Variants in THSD7A observed in about 807,000 individuals in gnomAD.
THSD7A encodes thrombospondin type 1 domain containing 7A.
Under a neutral mutation model 231.3 loss-of-function variants are expected in THSD7A, and 96 were observed. The ratio of observed to expected loss-of-function variants is 0.41; its 90% CI spans 0.35 to 0.49. The LOEUF is 0.49. THSD7A is among the 20% of genes least tolerant of loss of function. The pLI, the probability that THSD7A is intolerant of heterozygous loss-of-function variation, is 0.05. For synonymous variants in THSD7A, 940 were observed against 743.3 expected (o/e 1.26, Z -4.30); for missense variants, 2,290 against 2,070.2 (o/e 1.11, Z -2.06).
chr7:11,540,374 G>A (rs1183791100), intron 6 of THSD7A, among the ~76,000 whole-genome samples: 2 of 152,140 alleles, frequency 1.3e-5, no homozygotes, highest in Non-Finnish European at 2.9e-5. Context: ...CTTTCTTTAC[G>A]ACTGAACAGT....
intron 1 of THSD7A, among the ~76,000 whole-genome samples, chr7:11,746,687 T>A (rs966335049): frequency 6.6e-6 from 1 of 151,844 alleles, no homozygotes; most frequent in African/African-American, 2.4e-5. Context: ...ACACTACTAG[T>A]GATCTTAACC....
At chr7:11,698,952 G>A (rs1056313468) in intron 1 of THSD7A, among the ~76,000 whole-genome samples, 3 of 143,138 alleles carry the variant, frequency 2.1e-5, no homozygotes, top group South Asian at 4.5e-4. Flanking sequence ...TTTGCATGTA[G>A]GTGCCTTGAA....
At chr7:11,652,100 T>C (rs1324989424) in intron 1 of THSD7A, among the ~76,000 whole-genome samples, 2 of 151,990 alleles carry the variant, frequency 1.3e-5, no homozygotes, top group Non-Finnish European at 2.9e-5. Context: ...CCATGGCTGT[T>C]ACGTTTCCTT....
chr7:11,439,429 T>C lies in THSD7A; in HGVS notation c.3064+6632A>G, dbSNP rs192600771. Among the ~76,000 whole-genome samples, 660 of 152,164 alleles carry C rather than the reference T, an allele frequency of 4.3e-3. 5 individuals are homozygous for C. The highest frequency in any genetic ancestry group is 0.015 in the African/African-American group (633 of 41,558). On this transcript the variant is annotated intron_variant, in intron 13 of 27. Coordinates refer to ENST00000423059, the MANE Select transcript of THSD7A (RefSeq NM_015204.3). ...TGTCACATTTTGGTAATTCTTGCAATATTTCAAACTTTTTCATTATTATTA... is the reference window on the plus strand; with the variant it reads ...TGTCACATTTTGGTAATTCTTGCAACATTTCAAACTTTTTCATTATTATTA...
At chr7:11,802,875 AC>A (rs1181245857) in intron 1 of THSD7A, among the ~76,000 whole-genome samples, 1 of 152,168 alleles carries the variant, frequency 6.6e-6, no homozygotes, top group African/African-American at 2.4e-5. Context: ...TTATCAAAAA[AC>A]AATAATGAGA....
At chr7:11,702,285 T>G (rs1442964461) in intron 1 of THSD7A, among the ~76,000 whole-genome samples, 1 of 151,164 alleles carries the variant, frequency 6.6e-6, no homozygotes, top group Non-Finnish European at 1.5e-5. Context: ...GATTGAGTAG[T>G]TGTCTGAAAG....
intron 1 of THSD7A, among the ~76,000 whole-genome samples, chr7:11,815,540 A>G (rs981096259): frequency 1.3e-5 from 2 of 152,156 alleles, no homozygotes; most frequent in African/African-American, 4.8e-5. Context: ...ATAAAATATT[A>G]CATCATTCTT....
At position 11,521,512 on chromosome 7, in the gene THSD7A, CTAAG is replaced by C. The variant is rs1788265457; in HGVS notation, c.1822+19903_1822+19906del. The stretch of plus-strand genomic sequence containing the variant: ...TATTTATTTATTTTTTTATTATACT[CTAAG>C]TTTTAGGGTACATGTGCACATTGTG... On this transcript the variant is annotated intron_variant, in intron 6 of 27. Coordinates refer to ENST00000423059, the MANE Select transcript of THSD7A (RefSeq NM_015204.3). Among the ~76,000 whole-genome samples, 3 of 138,660 alleles carry C rather than the reference CTAAG, an allele frequency of 2.2e-5. 1 individual carries two copies. The South Asian group carries it at 6.7e-4, about 31-fold the overall frequency. The allele number at this position is 138,660 out of a possible 152,430, so 91.0% of individuals were successfully genotyped here. A position where few individuals can be genotyped will look rare whatever the true frequency, so the allele number is the denominator to read the frequency against.
rs1399632940 is a variant in THSD7A, at chr7:11,747,729, G to C, written c.190+84028C>G. ...CTGTAGGGATGGAAAAGGGGTGTTT[G>C]TGTGGCTCAAAACCTGGAGAGTTTA... On this transcript the variant is annotated intron_variant, in intron 1 of 27. Coordinates refer to ENST00000423059, the MANE Select transcript of THSD7A (RefSeq NM_015204.3). Among the ~76,000 whole-genome samples the C allele has an allele frequency of 2.0e-5, 3 of 151,868 alleles. No homozygotes were observed. In the South Asian group the frequency reaches 6.2e-4, roughly 31 times the overall value.
chr7:11,695,555 A>G (rs1780365359), intron 1 of THSD7A, among the ~76,000 whole-genome samples: 1 of 151,526 alleles, frequency 6.6e-6, no homozygotes, highest in South Asian at 2.1e-4. Context: ...GGTGAAACAG[A>G]ATGGCCTGAC....
At chr7:11,553,362 C>G (rs1337783849) in intron 4 of THSD7A, among the ~76,000 whole-genome samples, 2 of 152,012 alleles carry the variant, frequency 1.3e-5, no homozygotes, top group African/African-American at 4.8e-5. Flanking sequence ...CAGATCTTAC[C>G]TGAGTTCCTC....
chr7:11,667,153 C>T (rs190726380), intron 1 of THSD7A, among the ~76,000 whole-genome samples: 20 of 152,112 alleles, frequency 1.3e-4, no homozygotes, highest in African/African-American at 4.6e-4. Flanking sequence ...ATGCCCCCCT[C>T]ACCTGAGCAG....
intron 1 of THSD7A, among the ~76,000 whole-genome samples, chr7:11,694,538 G>T (rs1201761749): frequency 1.3e-5 from 2 of 151,540 alleles, no homozygotes; most frequent in Non-Finnish European, 3.0e-5. Flanking sequence ...ATGCTACCTT[G>T]CAGAGAGAGT....
intron 13 of THSD7A, among the ~76,000 whole-genome samples, chr7:11,442,204 G>T (rs1488250163): frequency 6.6e-6 from 1 of 151,872 alleles, no homozygotes; most frequent in African/African-American, 2.4e-5. Context: ...ATCTGATTTT[G>T]GCAATGCAGT....
intron 1 of THSD7A, among the ~76,000 whole-genome samples, chr7:11,773,616 C>A (rs1460492054): frequency 2.6e-5 from 4 of 152,042 alleles, no homozygotes; most frequent in African/African-American, 9.7e-5. Flanking sequence ...GGGAAAACAT[C>A]AAACATATTT....
In THSD7A at chr7:11,697,023, G is replaced by T. The variant is rs1387110153; in HGVS notation, c.191-60062C>A. ...TAGTGGCAATGGATTCAATATCTTTGAATTTGGCCAGGCCAAATTGATTGC... is the reference window on the plus strand; with the variant it reads ...TAGTGGCAATGGATTCAATATCTTTTAATTTGGCCAGGCCAAATTGATTGC... On this transcript the variant is annotated intron_variant, in intron 1 of 27. Coordinates refer to ENST00000423059, the MANE Select transcript of THSD7A (RefSeq NM_015204.3). Among the ~76,000 whole-genome samples the T allele has an allele frequency of 2.6e-5, 4 of 151,330 alleles. No individual in the cohort carries two copies. The South Asian group carries it at 6.2e-4, about 24-fold the overall frequency.
intron 1 of THSD7A, among the ~76,000 whole-genome samples, chr7:11,718,600 A>G (rs963284249): frequency 1.3e-5 from 2 of 151,642 alleles, no homozygotes; most frequent in Non-Finnish European, 3.0e-5. Flanking sequence ...TAAATCATCA[A>G]TCTCTGACTA....
chr7:11,702,281 G>GT (rs1307025275), intron 1 of THSD7A, among the ~76,000 whole-genome samples: 1 of 151,184 alleles, frequency 6.6e-6, no homozygotes, highest in Non-Finnish European at 1.5e-5. Context: ...GTTGGATTGA[G>GT]TAGTTGTCTG....
intron 2 of THSD7A, among the ~76,000 whole-genome samples, chr7:11,612,084 A>G (rs1780952643): frequency 6.6e-6 from 1 of 152,152 alleles, no homozygotes; most frequent in Non-Finnish European, 1.5e-5. Flanking sequence ...TACATAAGGA[A>G]AAGAGTCCAG....
Sources: gnomAD v4.1 joint callset for allele counts (sites outside exome capture counted in the v4.1 genomes callset) on GRCh38, gnomAD v4.1.1 for gene constraint, MANE v1.5 for transcripts, NCBI Gene and HGNC (gene_info 2026-07-23, HGNC 2026-07-21) for gene names.